BICRAL: variants seen among roughly 807,000 people sequenced by gnomAD.
The protein encoded by BICRAL is BICRA like chromatin remodeling complex associated protein, also known as BRD4-interacting chromatin-remodeling complex-associated protein-like.
A neutral mutation model predicts 91.8 loss-of-function variants in BICRAL; 8 were observed. The observed-to-expected ratio is 0.09, with a 90% CI of 0.05 to 0.16. The LOEUF (loss-of-function observed/expected upper bound fraction) is 0.16. Among genes scored for constraint, BICRAL ranks in the 10% least tolerant of loss-of-function variants. The pLI is 1.00. For synonymous variants in BICRAL, 445 were observed against 491.1 expected, an observed-to-expected ratio of 0.91 and a Z score of 1.24; for missense variants, 1,038 against 1,310.9, an observed-to-expected ratio of 0.79 and a Z score of 3.21.
intron 1 of BICRAL, among the ~76,000 whole-genome samples, chr6:42,773,668 C>T (rs1490492986): frequency 6.6e-6 from 1 of 152,020 alleles, no homozygotes; most frequent in East Asian, 1.9e-4. Flanking sequence ...GCGCCCACCG[C>T]CACGCCCAGC....
Position 42,794,307 on chromosome 6 carries a change from G to A in BICRAL, c.-102+12206G>A, listed in dbSNP as rs1582823773. Among the ~76,000 whole-genome samples, 7 of 152,152 alleles carry A rather than the reference G, an allele frequency of 4.6e-5. No homozygotes were observed. The Middle Eastern group carries it at 0.017, about 372-fold the overall frequency. On this transcript the variant is annotated intron_variant, in intron 1 of 12. Transcript: ENST00000314073. ...AATAATACAAAGAAAAATGACATTT[G>A]GGTAACCATGTTGTTTAAAAAAAAG...
intron 1 of BICRAL, among the ~76,000 whole-genome samples, chr6:42,801,743 G>A (rs1367079373): frequency 6.6e-6 from 1 of 151,752 alleles, no homozygotes; most frequent in Non-Finnish European, 1.5e-5. Context: ...TTATCCAGCT[G>A]TGGTGGCGCA....
At chr6:42,854,421 C>T (rs1765283592) in intron 8 of BICRAL, among the ~76,000 whole-genome samples, 1 of 152,108 alleles carries the variant, frequency 6.6e-6, no homozygotes, top group Non-Finnish European at 1.5e-5. Context: ...TGGGCCCAAG[C>T]CATCCACCCA....
At chr6:42,799,595 A>G (rs1003402911) in intron 1 of BICRAL, among the ~76,000 whole-genome samples, 3 of 152,160 alleles carry the variant, frequency 2.0e-5, no homozygotes, top group Non-Finnish European at 4.4e-5. Flanking sequence ...CACCCAGCCC[A>G]TCACCACCAT....
chr6:42,829,661 T>C lies in BICRAL; in HGVS notation c.1328T>C (p.Met443Thr), dbSNP rs903741966. 6.2e-7 allele frequency: 1 copy of C among 1,614,228 alleles called. No homozygotes were observed. Among genetic ancestry groups the C allele is most frequent in the Non-Finnish European group, 8.5e-7 (1 of 1,180,030 alleles). Residue 443 changes from methionine to threonine, a missense_variant, in exon 6 of 13, where the codon ATG becomes ACG. This residue lies in a region of BICRAL where 532 missense variants were observed against 724.9 expected (regional missense o/e 0.73). Transcript: ENST00000314073. Reference sequence around the variant, plus strand: ...GGCCAAGTGGCCTCAGAGCATGTCATGTTGAACAGAAACTCTTCCAACATG... The same window carrying C: ...GGCCAAGTGGCCTCAGAGCATGTCACGTTGAACAGAAACTCTTCCAACATG... ...ISGQVASEHV[M>T]LNRNSSNMLR...
chr6:42,851,746 C>A (rs1435430830), intron 6 of BICRAL, among the ~76,000 whole-genome samples: 1 of 152,162 alleles, frequency 6.6e-6, no homozygotes, highest in African/African-American at 2.4e-5. Flanking sequence ...GATCATAATC[C>A]TAGCAGGCAG....
chr6:42,763,213 G>A (rs1762580615), intron 1 of BICRAL, among the ~76,000 whole-genome samples: 1 of 152,078 alleles, frequency 6.6e-6, no homozygotes, highest in African/African-American at 2.4e-5. Flanking sequence ...TTGCCAGGAG[G>A]GTAATCATTT....
chr6:42,820,843 T>C (rs1340000945), intron 2 of BICRAL, among the ~76,000 whole-genome samples: 1 of 152,202 alleles, frequency 6.6e-6, no homozygotes, highest in Non-Finnish European at 1.5e-5. Context: ...GGAAGATCAC[T>C]GGCAGATCCC....
chr6:42,829,324 T>G lies in BICRAL; in HGVS notation c.991T>G (p.Leu331Val). 6.2e-7 allele frequency: 1 copy of G among 1,614,064 alleles called. No homozygotes were observed. Among genetic ancestry groups the G allele is most frequent in the Non-Finnish European group, 8.5e-7 (1 of 1,180,006 alleles). The change falls in exon 6 of 13, where the codon TTG (leucine) becomes GTG (valine). Residue 331 changes from leucine (L) to valine (V), a missense_variant. Physicochemically the swap from Leu to Val is conservative, Grantham distance 32. Transcript: ENST00000314073. ...GQQNTYNVNN[L>V]GIQQHHVQQG... ...GCAAAATACATACAATGTGAACAATTTGGGAATTCAGCAGCACCACGTACA... is the reference window on the plus strand; with the variant it reads ...GCAAAATACATACAATGTGAACAATGTGGGAATTCAGCAGCACCACGTACA...
Position 42,766,866 on chromosome 6 carries a change from T to C in BICRAL, c.-260-14973T>C, listed in dbSNP as rs181318958. On this transcript the variant is annotated intron_variant, in intron 1 of 14. Transcript: ENST00000614467. ...CCATCCTGGCTAACACAGTGAAACCTCGTCTCTACTAAAAATACAAAAAAT... is the reference window on the plus strand; with the variant it reads ...CCATCCTGGCTAACACAGTGAAACCCCGTCTCTACTAAAAATACAAAAAAT... Among the ~76,000 whole-genome samples the C allele has an allele frequency of 9.1e-3, 1,384 of 152,014 alleles. 19 individuals carry two copies. The highest frequency in any genetic ancestry group is 0.03 in the African/African-American group (1,231 of 41,448).
At chr6:42,837,917 A>G (rs776307954) in intron 6 of BICRAL, among the ~76,000 whole-genome samples, 20 of 152,100 alleles carry the variant, frequency 1.3e-4, no homozygotes, top group Non-Finnish European at 1.9e-4. Context: ...TATTGGGAAA[A>G]CTTTCAAACC....
In BICRAL at chr6:42,865,488, C is replaced by A; in HGVS notation, c.*42C>A. ...CCTACCCCGCCCCGAGACCCCACCC[C>A]GAGACCCCACCCCGGACCAGTTACA... On this transcript the variant is annotated 3_prime_UTR_variant, in exon 13 of 13. Coordinates refer to ENST00000314073, the MANE Select transcript of BICRAL (RefSeq NM_001393499.1). 1 of 1,121,318 alleles carries A rather than the reference C, an allele frequency of 8.9e-7. No individual in the cohort carries two copies. Among genetic ancestry groups the A allele is most frequent in the Non-Finnish European group, 1.3e-6 (1 of 759,580 alleles). The allele number at this position is 1,121,318 out of a possible 1,614,324, so 69.5% of individuals were successfully genotyped here.
At chr6:42,840,404 G>A (rs375860612) in intron 6 of BICRAL, among the ~76,000 whole-genome samples, 2 of 151,564 alleles carry the variant, frequency 1.3e-5, no homozygotes, top group Admixed American at 6.6e-5. Context: ...CACCACACCC[G>A]CTAATTTTTT....
intron 6 of BICRAL, among the ~76,000 whole-genome samples, chr6:42,851,380 G>A (rs1469988106): frequency 2.6e-5 from 4 of 151,854 alleles, no homozygotes; most frequent in East Asian, 1.9e-4. Flanking sequence ...AATAAAATAC[G>A]TTATGAGATA....
chr6:42,785,697 TC>T (rs1167181392), intron 1 of BICRAL, among the ~76,000 whole-genome samples: 2 of 152,188 alleles, frequency 1.3e-5, no homozygotes, highest in African/African-American at 4.8e-5. Flanking sequence ...TGTGGACATA[TC>T]TTCTGGGTTT....
intron 10 of BICRAL, among the ~76,000 whole-genome samples, chr6:42,857,772 C>G (rs1028251220): frequency 1.8e-4 from 26 of 147,306 alleles, no homozygotes; most frequent in African/African-American, 6.6e-4. Flanking sequence ...TTTGCATAGT[C>G]CTTGCCTTTA....
intron 1 of BICRAL, among the ~76,000 whole-genome samples, chr6:42,756,637 T>C (rs1056674495): frequency 6.2e-5 from 9 of 144,516 alleles, no homozygotes; most frequent in South Asian, 2.1e-4. Context: ...CCCAGAGATC[T>C]TTTTTTTTTT....
chr6:42,778,751 CGGAA>C (rs1762837163), upstream of BICRAL, among the ~76,000 whole-genome samples: 1 of 151,818 alleles, frequency 6.6e-6, no homozygotes, highest in Non-Finnish European at 1.5e-5. Context: ...GAGGCTGAGG[CGGAA>C]GGATCACTTG....
chr6:42,852,327 G>A, intron 7 of BICRAL, 130 bp downstream of exon 7: 1 of 719,902 alleles, frequency 1.4e-6, no homozygotes, highest in Non-Finnish European at 2.6e-6. Context: ...CTTTCTTTCT[G>A]TATCCTTTCC....
Sources: gnomAD v4.1 joint callset for allele counts (sites outside exome capture counted in the v4.1 genomes callset) on GRCh38, gnomAD v4.1.1 for gene constraint, gnomAD v4.1.1 regional missense constraint, MANE v1.5 for transcripts, NCBI Gene and HGNC (gene_info 2026-07-23, HGNC 2026-07-21) for gene names.